Variants in SCN3A observed in about 807,000 individuals in gnomAD.
SCN3A encodes the protein sodium voltage-gated channel alpha subunit 3, also known as sodium channel protein type 3 subunit alpha.
Under a neutral mutation model 187.6 loss-of-function variants are expected in SCN3A, and 60 were observed. The observed-to-expected ratio is 0.32, with a 90% CI of 0.26 to 0.40. SCN3A has a LOEUF of 0.40. Ranked by LOEUF, SCN3A falls within the 10% of genes least tolerant of loss-of-function variation. The pLI is 1.00. For synonymous variants in SCN3A, 788 were observed against 829.2 expected, an observed-to-expected ratio of 0.95 and a Z score of 0.85; for missense variants, 1,601 against 2,428.2, an observed-to-expected ratio of 0.66 and a Z score of 7.16.
Position 165,176,124 on chromosome 2 carries a change from T to A in SCN3A, c.264+7A>T, listed in dbSNP as rs935595688. 2 of 1,612,392 alleles carry A rather than the reference T, an allele frequency of 1.2e-6. No homozygotes were observed. The highest frequency in any genetic ancestry group is 3.3e-5 in the Admixed American group (2 of 60,006). On this transcript the variant is annotated splice_region_variant and intron_variant, in intron 3 of 27. Transcript: ENST00000283254. The stretch of plus-strand genomic sequence containing the variant: ...AGATTTATTAGAAGTCTAAAATCAA[T>A]ACTCACTTTCTTATTGATATAGTAG...
chr2:165,097,265 G>A lies in SCN3A; in HGVS notation c.4226C>T (p.Ala1409Val). ...NFDNVGAGYL[A>V]LLQVATFKGW... is the part of the protein sequence containing the mutation. ...GTAGCCACTTACCACTTGAAGCAGTGCAAGATAGCCAGCGCCAACATTATC... is the reference window on the plus strand; with the variant it reads ...GTAGCCACTTACCACTTGAAGCAGTACAAGATAGCCAGCGCCAACATTATC... The change falls in exon 23 of 28, where the codon GCA (alanine) becomes GTA (valine). Residue 1409 changes from alanine to valine, a missense_variant. By Grantham distance (64) the Ala-to-Val change is moderately conservative. Around this residue, in one of 11 missense-constraint regions of SCN3A, gnomAD observed 320 missense variants for 623.2 expected, o/e 0.51. Transcript: ENST00000283254. 6.2e-7 allele frequency: 1 copy of A among 1,614,004 alleles called. No individual in the cohort carries two copies. The highest frequency in any genetic ancestry group is 1.3e-5 in the African/African-American group (1 of 75,000).
intron 15 of SCN3A, among the ~76,000 whole-genome samples, chr2:165,134,468 C>G (rs1574179714): frequency 6.6e-6 from 1 of 152,160 alleles, no homozygotes; most frequent in East Asian, 1.9e-4. Context: ...TCCACCCTTA[C>G]GAATATATAA....
In SCN3A at chr2:165,095,467, C is replaced by A. The variant is rs368353826; in HGVS notation, c.4431+44G>T. 5.6e-6 allele frequency: 9 copies of A among 1,593,338 alleles called. No individual in the cohort carries two copies. In the African/African-American group the frequency reaches 1.1e-4, roughly 19 times the overall value. Reference sequence around the variant, plus strand: ...CTGGTTATTTGGCTGTATTAACAGACAGAACCCCAGAATGAAGAAAGGTAA... The same window carrying A: ...CTGGTTATTTGGCTGTATTAACAGAAAGAACCCCAGAATGAAGAAAGGTAA... On this transcript the variant is annotated intron_variant, in intron 25 of 27. Coordinates refer to ENST00000283254, the MANE Select transcript of SCN3A (RefSeq NM_006922.4).
chr2:165,110,653 C>T (rs184814414), intron 21 of SCN3A, among the ~76,000 whole-genome samples: 2 of 152,150 alleles, frequency 1.3e-5, no homozygotes, highest in Admixed American at 6.5e-5. Context: ...ACTCTGAGGA[C>T]AAGCTGTTAT....
chr2:165,129,320 T>A (rs1687177099), intron 17 of SCN3A, among the ~76,000 whole-genome samples: 1 of 152,250 alleles, frequency 6.6e-6, no homozygotes, highest in Non-Finnish European at 1.5e-5. Context: ...CTGGACAATG[T>A]CCATACATAT....
intron 1 of SCN3A, among the ~76,000 whole-genome samples, chr2:165,203,304 A>G (rs1692435220): frequency 6.6e-6 from 1 of 152,056 alleles, no homozygotes; most frequent in Non-Finnish European, 1.5e-5. Context: ...TTTCTCTATG[A>G]AAACAGATTT....
chr2:165,101,267 A>G (rs921946753), intron 21 of SCN3A, among the ~76,000 whole-genome samples: 7 of 152,242 alleles, frequency 4.6e-5, no homozygotes, highest in African/African-American at 1.7e-4. Flanking sequence ...ACTTGTATTT[A>G]TACTAAATTT....
chr2:165,203,519 C>G (rs1692448319), intron 1 of SCN3A, among the ~76,000 whole-genome samples: 1 of 151,990 alleles, frequency 6.6e-6, no homozygotes, highest in Non-Finnish European at 1.5e-5. Context: ...ACTCATTAGA[C>G]TAGCTTTAAG....
rs1199446344 is a variant in SCN3A at position 165,088,270 on chromosome 2, A to G, written c.*1880T>C. 3 of 152,544 alleles carry G rather than the reference A, an allele frequency of 2.0e-5. No homozygotes were observed. The highest frequency in any genetic ancestry group is 2.1e-4 in the South Asian group (1 of 4,836). 9.4% of individuals were successfully genotyped at this position (152,544 alleles called of 1,614,324 possible). A position where few individuals can be genotyped will look rare whatever the true frequency, so the allele number is the denominator to read the frequency against. ...AAATAGTTTTGTAAAAAGAATTAAC[A>G]TTAAACTTTTGGTTTGTGCAAAAAA... On this transcript the variant is annotated 3_prime_UTR_variant, in exon 28 of 28. Transcript: ENST00000283254.
Position 165,181,213 on chromosome 2 carries a change from G to A in SCN3A, c.-50-4769C>T, listed in dbSNP as rs1372108419. Among the ~76,000 whole-genome samples the A allele has an allele frequency of 3.3e-5, 5 of 152,088 alleles. No individual in the cohort carries two copies. In the East Asian group the frequency reaches 9.7e-4, roughly 29 times the overall value. On this transcript the variant is annotated intron_variant, in intron 2 of 27. Transcript: ENST00000283254. ...TGAAATATATGAAGAGAATTTTCAC[G>A]CATATGTGTGGCTGGAAAAGGGAGT...
intron 18 of SCN3A, among the ~76,000 whole-genome samples, chr2:165,116,091 A>T (rs1422534047): frequency 6.9e-6 from 1 of 143,986 alleles, no homozygotes; most frequent in African/African-American, 2.6e-5. Context: ...GCACATTAAC[A>T]TTAGTCACAG....
At chr2:165,094,033 T>G in intron 26 of SCN3A, 1 of 318,682 alleles carries the variant, frequency 3.1e-6, no homozygotes, top group Non-Finnish European at 5.9e-6. Flanking sequence ...GAGCAGAGAG[T>G]ATAGAGGGAG....
chr2:165,109,258 T>G (rs1686003200), intron 21 of SCN3A, among the ~76,000 whole-genome samples: 2 of 152,144 alleles, frequency 1.3e-5, no homozygotes, highest in Non-Finnish European at 2.9e-5. Context: ...TTATTTGCAG[T>G]CTCTGCCTAG....
intron 1 of SCN3A, among the ~76,000 whole-genome samples, chr2:165,189,662 A>G (rs540661552): frequency 1.3e-5 from 2 of 152,268 alleles, no homozygotes; most frequent in African/African-American, 2.4e-5. Flanking sequence ...AATATCAACA[A>G]TTGAATATTC....
chr2:165,115,401 G>T, intron 19 of SCN3A, 54 bp downstream of exon 19: 1 of 1,608,982 alleles, frequency 6.2e-7, no homozygotes, highest in Admixed American at 1.7e-5. Context: ...GGCATATTCA[G>T]TCTCCGTAAA....
At chr2:165,193,281 G>C (rs1691728755) in intron 1 of SCN3A, among the ~76,000 whole-genome samples, 1 of 152,096 alleles carries the variant, frequency 6.6e-6, no homozygotes, top group African/African-American at 2.4e-5. Flanking sequence ...TCTATTTTAT[G>C]TAGTCAGGTT....
At position 165,203,020 on chromosome 2, in the gene SCN3A, ATAAAG is replaced by A. The variant is rs200622197; in HGVS notation, c.-248+798_-248+802del. ...CAACTACAGACAATATGGATCATAG[ATAAAG>A]TAAATTATTGTTTTATGGCTCCAGT... On this transcript the variant is annotated intron_variant, in intron 1 of 27. Coordinates refer to ENST00000283254, the MANE Select transcript of SCN3A (RefSeq NM_006922.4). 4.6e-3 allele frequency among the ~76,000 whole-genome samples: 702 copies of A among 152,108 alleles called. 8 individuals are homozygous for A. Among genetic ancestry groups the A allele is most frequent in the East Asian group, 0.044 (226 of 5,162 alleles).
chr2:165,108,128 G>T (rs955487668), intron 21 of SCN3A, among the ~76,000 whole-genome samples: 2 of 152,010 alleles, frequency 1.3e-5, no homozygotes, highest in African/African-American at 4.8e-5. Context: ...ATTAAATCAG[G>T]GTAGTAATTT....
rs763360437 is a variant in SCN3A at position 165,087,533 on chromosome 2, C to T, written c.*2617G>A. Reference sequence around the variant, plus strand: ...GAAGCCAATGAATTCCAATTAGCCACCTTATATAATTTATTATGGGAGAAT... The same window carrying T: ...GAAGCCAATGAATTCCAATTAGCCATCTTATATAATTTATTATGGGAGAAT... On this transcript the variant is annotated 3_prime_UTR_variant, in exon 28 of 28. Transcript: ENST00000283254. 12 of 151,898 alleles carry T rather than the reference C, an allele frequency of 7.9e-5. No homozygotes were observed. Among genetic ancestry groups the T allele is most frequent in the African/African-American group, 1.2e-4 (5 of 41,332 alleles). The allele number at this position is 151,898 out of a possible 1,614,324, so 9.4% of individuals were successfully genotyped here.
Sources: allele counts gnomAD v4.1 joint callset (sites outside exome capture counted in the v4.1 genomes callset), GRCh38; gene constraint gnomAD v4.1.1; regional missense constraint gnomAD v4.1.1; transcripts MANE v1.5; gene names NCBI Gene and HGNC (gene_info 2026-07-23, HGNC 2026-07-21).